PLCH1: variants seen among roughly 807,000 people sequenced by gnomAD.
The protein encoded by PLCH1 is 1-phosphatidylinositol 4,5-bisphosphate phosphodiesterase eta-1.
Under a neutral mutation model 126.7 loss-of-function variants are expected in PLCH1, and 60 were observed. The observed-to-expected ratio is 0.47, with a 90% CI of 0.38 to 0.59. PLCH1 has a LOEUF of 0.59. Ranked by LOEUF, PLCH1 falls within the 20% of genes least tolerant of loss-of-function variation. The pLI, the probability that PLCH1 is intolerant of heterozygous loss-of-function variation, is 0.00. For synonymous variants in PLCH1, 719 were observed against 734.9 expected (o/e 0.98, Z 0.35); for missense variants, 1,723 against 2,040.0 (o/e 0.84, Z 2.99).
intron 10 of PLCH1, among the ~76,000 whole-genome samples, chr3:155,547,447 G>T (rs376662173): frequency 1.4e-5 from 2 of 138,946 alleles, no homozygotes; most frequent in Non-Finnish European, 3.2e-5. Flanking sequence ...TGGTGGGACT[G>T]TAAACTAGTT....
At chr3:155,715,602 GCCT>G (rs1393515727) in intron 1 of PLCH1, among the ~76,000 whole-genome samples, 1 of 147,296 alleles carries the variant, frequency 6.8e-6, no homozygotes, top group Non-Finnish European at 1.5e-5. Context: ...ACCACATCTG[GCCT>G]CTTTTTTTTT....
chr3:155,560,627 T>C (rs1727447390), intron 8 of PLCH1, among the ~76,000 whole-genome samples: 1 of 152,182 alleles, frequency 6.6e-6, no homozygotes, highest in African/African-American at 2.4e-5. Context: ...CTGTCACTTT[T>C]GTAGCAGAAA....
intron 9 of PLCH1, among the ~76,000 whole-genome samples, chr3:155,551,661 C>T (rs9866950): frequency 0.047 from 5,993 of 127,792 alleles, 185 homozygotes; most frequent in Non-Finnish European, 0.067. Context: ...TTCCACCCTA[C>T]GCTGCACAGG....
At chr3:155,635,846 T>A (rs1738658727) in intron 2 of PLCH1, among the ~76,000 whole-genome samples, 1 of 152,246 alleles carries the variant, frequency 6.6e-6, no homozygotes, top group Admixed American at 6.5e-5. Flanking sequence ...TTAGATACTT[T>A]TGGCTGCAAA....
At chr3:155,630,301 G>C (rs1158484043) in intron 2 of PLCH1, among the ~76,000 whole-genome samples, 1 of 152,264 alleles carries the variant, frequency 6.6e-6, no homozygotes, top group Admixed American at 6.5e-5. Context: ...TTAAAGCTAA[G>C]ATCTGATGAA....
chr3:155,677,361 C>T (rs1744176442), intron 2 of PLCH1, among the ~76,000 whole-genome samples: 1 of 152,222 alleles, frequency 6.6e-6, no homozygotes, highest in African/African-American at 2.4e-5. Context: ...CCCCAAATTG[C>T]AAACTACACT....
intron 22 of PLCH1, among the ~76,000 whole-genome samples, chr3:155,484,251 T>C (rs6793353): frequency 1.8e-3 from 278 of 152,330 alleles, no homozygotes; most frequent in African/African-American, 6.1e-3. Context: ...ATCTTAACTG[T>C]GGCATTAACA....
At chr3:155,545,906 C>G (rs539452325) in intron 10 of PLCH1, among the ~76,000 whole-genome samples, 192 of 152,194 alleles carry the variant, frequency 1.3e-3, no homozygotes, top group African/African-American at 4.6e-3. Flanking sequence ...TAACAGCTAT[C>G]TATGACAAAC....
In PLCH1 at chr3:155,482,141, G is replaced by A; in HGVS notation, c.3885C>T (p.Asn1295=). ...SKAKTAALES[N]LPGSPNTSRG... ...GAGAAGTATTAGGGGATCCAGGCAGGTTGCTTTCTAAGGCCGCTGTCTTGG... is the reference window on the plus strand; with the variant it reads ...GAGAAGTATTAGGGGATCCAGGCAGATTGCTTTCTAAGGCCGCTGTCTTGG... Residue 1295 remains asparagine (N), a synonymous_variant, in exon 23 of 23, where the codon AAC becomes AAT. Transcript: ENST00000460012. 1 of 1,614,184 alleles carries A rather than the reference G, an allele frequency of 6.2e-7. No homozygotes were observed. The highest frequency in any genetic ancestry group is 8.5e-7 in the Non-Finnish European group (1 of 1,180,014).
chr3:155,663,072 T>C (rs1358432182), intron 2 of PLCH1, among the ~76,000 whole-genome samples: 10 of 152,246 alleles, frequency 6.6e-5, no homozygotes, highest in Non-Finnish European at 1.5e-4. Context: ...TAAACAATCA[T>C]GGTGTGCCAG....
intron 21 of PLCH1, among the ~76,000 whole-genome samples, chr3:155,467,082 A>C (rs1332832602): frequency 6.6e-6 from 1 of 152,164 alleles, no homozygotes; most frequent in African/African-American, 2.4e-5. Flanking sequence ...AAGTTTATTC[A>C]AAGGCATAAA....
intron 2 of PLCH1, among the ~76,000 whole-genome samples, chr3:155,647,357 G>A (rs1740177985): frequency 6.6e-6 from 1 of 151,840 alleles, no homozygotes. Flanking sequence ...ACGCTTGACT[G>A]CCTCATTCAA....
chr3:155,667,729 C>T (rs982641966), intron 2 of PLCH1, among the ~76,000 whole-genome samples: 1 of 151,818 alleles, frequency 6.6e-6, no homozygotes, highest in Non-Finnish European at 1.5e-5. Context: ...ACTTCCCCAC[C>T]ACTTTTTAAA....
At position 155,523,972 on chromosome 3, in the gene PLCH1, A is replaced by G; in HGVS notation, c.1395T>C (p.Asp465=). The change falls in exon 11 of 23, where the codon GAT becomes GAC. Residue 465 remains aspartate, a synonymous_variant. Transcript: ENST00000460012. ...GKKLPYHLGD[D]AEEGEVSDED... is the part of the protein sequence containing the mutation. Reference sequence around the variant, plus strand: ...CATCAGAAACTTCCCCTTCCTCTGCATCATCCCCAAGGTGATAAGGCAACT... The same window carrying G: ...CATCAGAAACTTCCCCTTCCTCTGCGTCATCCCCAAGGTGATAAGGCAACT... The G allele has an allele frequency of 6.2e-7, 1 of 1,607,928 alleles. No homozygotes were observed.
At chr3:155,561,427 T>C (rs542532729) in intron 8 of PLCH1, among the ~76,000 whole-genome samples, 295 of 151,992 alleles carry the variant, frequency 1.9e-3, no homozygotes, top group Non-Finnish European at 3.5e-3. Context: ...AATGATGATT[T>C]CCAATTTCAT....
Position 155,482,822 on chromosome 3 carries a change from T to C in PLCH1, c.3204A>G (p.Glu1068=). ...AGAGAGACTTGCTGGGACAGGGGTT[T>C]TCCTGGCAATTGCTTGTGGCATTTG... is the stretch of plus-strand genomic sequence containing the variant. ...TTSNATSNCQ[E]NPCPSKSLSP... Residue 1068 remains glutamate (E), a synonymous_variant, in exon 23 of 23, where the codon GAA becomes GAG. Transcript: ENST00000460012. 1 of 1,614,154 alleles carries C rather than the reference T, an allele frequency of 6.2e-7. No homozygotes were observed. Among genetic ancestry groups the C allele is most frequent in the Non-Finnish European group, 8.5e-7 (1 of 1,180,020 alleles).
intron 21 of PLCH1, among the ~76,000 whole-genome samples, chr3:155,451,512 C>T (rs1712306859): frequency 6.6e-6 from 1 of 152,124 alleles, no homozygotes; most frequent in Non-Finnish European, 1.5e-5. Flanking sequence ...AGATATTTAG[C>T]TAAACATTAC....
chr3:155,607,176 G>A (rs1208612937), intron 2 of PLCH1, among the ~76,000 whole-genome samples: 1 of 152,064 alleles, frequency 6.6e-6, no homozygotes, highest in Admixed American at 6.6e-5. Flanking sequence ...GTTTAGGGCA[G>A]GAAGCAAGTA....
At chr3:155,731,382 C>T (rs145071692) in intron 1 of PLCH1, among the ~76,000 whole-genome samples, 1 of 152,326 alleles carries the variant, frequency 6.6e-6, no homozygotes, top group Non-Finnish European at 1.5e-5. Flanking sequence ...TACCCTCATG[C>T]ACCTAGGCAG....
Sources: allele counts gnomAD v4.1 joint callset (sites outside exome capture counted in the v4.1 genomes callset), GRCh38; gene constraint gnomAD v4.1.1; transcripts MANE v1.5; gene names NCBI Gene and HGNC (gene_info 2026-07-23, HGNC 2026-07-21).